The following PLXND1 variants were observed in gnomAD, a reference collection of about 807,000 sequenced individuals.
PLXND1 encodes plexin-D1.
In PLXND1, 54 loss-of-function variants were observed where a neutral mutation model predicts 197.7. That is an observed-to-expected ratio of 0.27 (90% confidence interval 0.22 to 0.34). The LOEUF (loss-of-function observed/expected upper bound fraction) is 0.34, where lower values mean the gene tolerates loss of function less well. Among genes scored for constraint, PLXND1 ranks in the 10% least tolerant of loss-of-function variants. The pLI is 1.00. For synonymous variants in PLXND1, 1,180 were observed against 1,161.2 expected, an observed-to-expected ratio of 1.02 and a Z score of -0.33; for missense variants, 2,127 against 2,699.2, an observed-to-expected ratio of 0.79 and a Z score of 4.70.
Position 129,558,660 on chromosome 3 carries a change from T to C in PLXND1, c.5298-85A>G. 1 of 1,392,340 alleles carries C rather than the reference T, an allele frequency of 7.2e-7. No homozygotes were observed. Among genetic ancestry groups the C allele is most frequent in the Non-Finnish European group, 1.0e-6 (1 of 1,001,150 alleles). The allele number at this position is 1,392,340 out of a possible 1,614,324, so 86.2% of individuals were successfully genotyped here. The stretch of plus-strand genomic sequence containing the variant: ...CAGTTGTGGAGGAGAGAGCTGGCTT[T>C]GTCCCTCAAGGGCCTGAGGTTGGAG... On this transcript the variant is annotated intron_variant, in intron 32 of 35. Transcript: ENST00000324093. This position sits in a 1 kb window ranked among gnomAD's most constrained non-coding sequence, Gnocchi z 4.1.
chr3:129,591,947 G>A (rs1045290899), intron 1 of PLXND1, among the ~76,000 whole-genome samples: 5 of 152,022 alleles, frequency 3.3e-5, no homozygotes, highest in African/African-American at 9.7e-5. Context: ...AAATCCTCCC[G>A]TGGGTCCCCT....
chr3:129,579,128 C>A (rs1268108003), intron 8 of PLXND1, among the ~76,000 whole-genome samples: 2 of 150,892 alleles, frequency 1.3e-5, no homozygotes, highest in Non-Finnish European at 2.9e-5. Context: ...TGAGGCCTGG[C>A]AGAGCAGCTG....
intron 23 of PLXND1, 94 bp downstream of exon 23, chr3:129,566,433 G>T: frequency 2.5e-6 from 2 of 792,132 alleles, no homozygotes; most frequent in Non-Finnish European, 2.3e-6. Context: ...CCGCATGACA[G>T]GGATCAATGC....
chr3:129,562,174 G>A (rs2085071428), intron 27 of PLXND1, among the ~76,000 whole-genome samples: 1 of 152,138 alleles, frequency 6.6e-6, no homozygotes, highest in African/African-American at 2.4e-5. Flanking sequence ...GGCTGTTCAT[G>A]TTACAATTGC....
At chr3:129,585,173 C>T (rs2085441031) in intron 5 of PLXND1, among the ~76,000 whole-genome samples, 1 of 152,196 alleles carries the variant, frequency 6.6e-6, no homozygotes, top group Admixed American at 6.5e-5. Context: ...AATGAAATGA[C>T]TGAATGAATG....
intron 1 of PLXND1, among the ~76,000 whole-genome samples, chr3:129,593,543 C>T (rs2085576765): frequency 6.6e-6 from 1 of 152,260 alleles, no homozygotes; most frequent in Admixed American, 6.5e-5. Context: ...CACACATTTC[C>T]CATGGCAGCA....
rs144636545 is a variant in PLXND1, at chr3:129,571,758, C to T, written c.3164G>A (p.Gly1055Asp). Reference protein sequence around the residue: ...VPVCVRFERRGCVHGNLTFWY... With the variant: ...VPVCVRFERRDCVHGNLTFWY... ...GAAGGTGAGGTTGCCGTGCACGCAG[C>T]CCCGACGCTCGAAGCGCACACACAC... Residue 1055 changes from glycine (G) to aspartate (D), a missense_variant, in exon 16 of 36, where the codon GGC (glycine) becomes GAC (aspartate). Physicochemically the swap from Gly to Asp is moderately conservative, Grantham distance 94. This residue lies in a region of PLXND1 where 1,095 missense variants were observed against 1,259.8 expected (regional missense o/e 0.87). Transcript: ENST00000324093. The T allele has an allele frequency of 5.0e-6, 8 of 1,613,240 alleles. No individual in the cohort carries two copies. The African/African-American group carries it at 9.3e-5, about 19-fold the overall frequency.
chr3:129,567,314 G>C (rs970369606), intron 22 of PLXND1, among the ~76,000 whole-genome samples, 178 bp downstream of exon 22: 1 of 152,208 alleles, frequency 6.6e-6, no homozygotes, highest in South Asian at 2.1e-4. Flanking sequence ...TGACAGTGGA[G>C]AATCTGCCTC....
At chr3:129,597,241 C>A (rs1416515920) in intron 1 of PLXND1, among the ~76,000 whole-genome samples, 1 of 151,988 alleles carries the variant, frequency 6.6e-6, no homozygotes, top group African/African-American at 2.4e-5. Context: ...CCCTTAACCA[C>A]AGCCTCCCCA....
rs998108849 is a variant in PLXND1, at chr3:129,561,704, AG to A, written c.4934del (p.Pro1645LeufsTer8). On this transcript the variant is annotated frameshift_variant, in exon 29 of 36. Coordinates refer to ENST00000324093, the MANE Select transcript of PLXND1 (RefSeq NM_015103.3). LOFTEE classifies it high-confidence loss of function. ...GACTCATGGCCAGGGAGGCACCTTC[AG>A]GGATCTGATGGGAGGGGAGAGGCCG... ...KLNTLAHYKI[P>X]EGASLAMSLI... The A allele has an allele frequency of 6.9e-7, 1 of 1,453,132 alleles. No individual in the cohort carries two copies. Among genetic ancestry groups the A allele is most frequent in the Non-Finnish European group, 9.2e-7 (1 of 1,088,918 alleles). The allele number at this position is 1,453,132 out of a possible 1,614,324, so 90.0% of individuals were successfully genotyped here. A position where few individuals can be genotyped will look rare whatever the true frequency, so the allele number is the denominator to read the frequency against.
At position 129,605,878 on chromosome 3, in the gene PLXND1, G is replaced by A. The variant is rs149935956; in HGVS notation, c.762C>T (p.Thr254=). Residue 254 remains threonine, a synonymous_variant, in exon 1 of 36, where the codon ACC becomes ACT. Transcript: ENST00000324093. ...TGTCGTCGGAGGGGTTGAGGTCGAA[G>A]GTGAAGAGCTTGGCCAGGTCGCCGC... The part of the protein sequence containing the change: ...DTRGDLAKLF[T]FDLNPSDDNI... 1.5e-5 allele frequency: 24 copies of A among 1,613,620 alleles called. No homozygotes were observed. In the African/African-American group the frequency reaches 2.9e-4, roughly 20 times the overall value.
chr3:129,592,840 G>A (rs949719754), intron 1 of PLXND1, among the ~76,000 whole-genome samples: 2 of 152,178 alleles, frequency 1.3e-5, no homozygotes, highest in Non-Finnish European at 1.5e-5. Flanking sequence ...GCTCAAACAC[G>A]GAAGCCCAGC....
rs571150724 is a variant in PLXND1 at position 129,562,949 on chromosome 3, G to C, written c.4669-6C>G. On this transcript the variant is annotated splice_region_variant and splice_polypyrimidine_tract_variant and intron_variant, in intron 26 of 35. Coordinates refer to ENST00000324093, the MANE Select transcript of PLXND1 (RefSeq NM_015103.3). ...TGGAAGGACACGTTCAGGTTCTGCA[G>C]GGGGAGAGTGGGAGAGAAAGGTCAG... 4 of 1,602,800 alleles carry C rather than the reference G, an allele frequency of 2.5e-6. No homozygotes were observed. In the African/African-American group the frequency reaches 5.3e-5, roughly 21 times the overall value.
intron 18 of PLXND1, 47 bp from the exon 19 acceptor site, chr3:129,570,982 G>T: frequency 6.2e-7 from 1 of 1,613,574 alleles, no homozygotes; most frequent in African/African-American, 1.3e-5. Context: ...TGCTCCCGAG[G>T]CCCACAGCTG....
chr3:129,562,293 G>A (rs865878688), intron 27 of PLXND1, among the ~76,000 whole-genome samples: 4 of 152,116 alleles, frequency 2.6e-5, no homozygotes, highest in African/African-American at 4.8e-5. Context: ...CAGGAGGATC[G>A]CTTGAGCCCA....
chr3:129,603,730 C>T (rs2085743945), intron 1 of PLXND1, among the ~76,000 whole-genome samples: 1 of 152,176 alleles, frequency 6.6e-6, no homozygotes, highest in Non-Finnish European at 1.5e-5. Flanking sequence ...TTCTCAAAGC[C>T]CCAGTGTTGG....
intron 2 of PLXND1, 122 bp downstream of exon 2, chr3:129,589,229 T>C (rs1485142327): frequency 1.2e-5 from 9 of 763,130 alleles, no homozygotes; most frequent in Non-Finnish European, 1.9e-5. Context: ...GCTAGGCGAA[T>C]GGGAGAAAAC....
rs773872349 is a variant in PLXND1, at chr3:129,571,599, A to G, written c.3246T>C (p.Ser1082=). 3 of 1,613,802 alleles carry G rather than the reference A, an allele frequency of 1.9e-6. No homozygotes were observed. The highest frequency in any genetic ancestry group is 2.5e-6 in the Non-Finnish European group (3 of 1,179,974). Residue 1082 remains serine (S), a splice_region_variant and synonymous_variant, in exon 17 of 36, where the codon AGT becomes AGC. Coordinates refer to ENST00000324093, the MANE Select transcript of PLXND1 (RefSeq NM_015103.3). ...TAISPRRSPV[S]GGRTITVAGE... ...CAGCCACTGTGATGGTCCTGCCGCC[A>G]CTGCGGGGGACAGCAAAACCTATCA... is the stretch of plus-strand genomic sequence containing the variant.
intron 1 of PLXND1, among the ~76,000 whole-genome samples, chr3:129,601,684 C>T (rs1196780658): frequency 1.3e-5 from 2 of 152,166 alleles, no homozygotes; most frequent in African/African-American, 2.4e-5. Context: ...GGTACCCCAT[C>T]ACATGCCCCA....
Sources: allele counts gnomAD v4.1 joint callset (sites outside exome capture counted in the v4.1 genomes callset), GRCh38; gene constraint gnomAD v4.1.1; regional missense constraint gnomAD v4.1.1; non-coding constraint Gnocchi (gnomAD v3.1); transcripts MANE v1.5; gene names NCBI Gene and HGNC (gene_info 2026-07-23, HGNC 2026-07-21).